The following LRGUK variants were observed in gnomAD, a reference collection of about 807,000 sequenced individuals.
The protein encoded by LRGUK is leucine-rich repeat and guanylate kinase domain-containing protein.
LRGUK carries 65 observed loss-of-function variants against 76.0 expected under a neutral mutation model. That is an observed-to-expected ratio of 0.85 (90% CI 0.70 to 1.05). The LOEUF is 1.05. Ranked by LOEUF, LRGUK falls within the 50% of genes least tolerant of loss-of-function variation. The pLI, the probability that LRGUK is intolerant of heterozygous loss-of-function variation, is 0.00. For missense variants in LRGUK, 758 were observed against 732.8 expected (o/e 1.03, Z -0.40); for synonymous variants, 268 against 265.6 (o/e 1.01, Z -0.09).
At chr7:134,258,263 G>C in exon 19 of LRGUK, 1 of 1,613,880 alleles carries the variant, frequency 6.2e-7, no homozygotes, top group Non-Finnish European at 8.5e-7. Context: ...TCAGTGGGAA[G>C]GATTCCTTGG....
chr7:134,171,706 A>T (rs1799258138), intron 7 of LRGUK, among the ~76,000 whole-genome samples: 1 of 152,138 alleles, frequency 6.6e-6, no homozygotes, highest in African/African-American at 2.4e-5. Flanking sequence ...TTGGCAGCAG[A>T]TGGCTGAACT....
rs57035440 is a variant in LRGUK, at chr7:134,226,218, A to ATGTGTGTGTGTGTG, written c.1983+4330_1983+4343dup. On this transcript the variant is annotated intron_variant, in intron 16 of 19. Transcript: ENST00000285928. ...GACAAGGTAGAAATTCCCATCTCCA[A>ATGTGTGTGTGTGTG]TGTGTGTGTGTGTGTGTGTGTGTGT... Among the ~76,000 whole-genome samples the ATGTGTGTGTGTGTG allele has an allele frequency of 3.6e-3, 504 of 141,770 alleles. 5 individuals are homozygous for ATGTGTGTGTGTGTG. Among genetic ancestry groups the ATGTGTGTGTGTGTG allele is most frequent in the African/African-American group, 0.013 (453 of 35,372 alleles). The allele number at this position is 141,770 out of a possible 152,430, so 93.0% of individuals were successfully genotyped here. A position where few individuals can be genotyped will look rare whatever the true frequency, so the allele number is the denominator to read the frequency against.
chr7:134,221,872 AC>A lies in LRGUK; in HGVS notation c.1939del (p.Leu647SerfsTer31). On this transcript the variant is annotated frameshift_variant, in exon 16 of 20. Coordinates refer to the LRGUK transcript ENST00000285928. LOFTEE classifies it high-confidence loss of function. ...TTCCTGCATTCTACAGACAGAAACT[AC>A]CTCATTAAATTTTGGGCCAAACTTT... The A allele has an allele frequency of 6.3e-7, 1 of 1,598,382 alleles. No individual in the cohort carries two copies. The highest frequency in any genetic ancestry group is 1.1e-5 in the South Asian group (1 of 88,294).
At chr7:134,213,135 G>A (rs981352728), downstream of LRGUK, among the ~76,000 whole-genome samples, 2 of 152,184 alleles carry the variant, frequency 1.3e-5, no homozygotes, top group African/African-American at 2.4e-5. Flanking sequence ...CTAAGGACCC[G>A]AATGCCAGGA....
intron 2 of LRGUK, among the ~76,000 whole-genome samples, chr7:134,137,739 T>G (rs1797595997): frequency 6.6e-6 from 1 of 152,198 alleles, no homozygotes. Context: ...CTTGCTTCTT[T>G]CCTCATTTTG....
the LRGUK span, among the ~76,000 whole-genome samples, chr7:134,272,215 A>G: frequency 6.6e-6 from 1 of 152,198 alleles, no homozygotes; most frequent in Non-Finnish European, 1.5e-5. Flanking sequence ...TTTACCATGA[A>G]TAAGTATTGA....
exon 16 of LRGUK, chr7:134,209,132 C>G (rs1801130183): frequency 5.0e-6 from 2 of 399,150 alleles, no homozygotes; most frequent in Non-Finnish European, 8.8e-6. Context: ...CCTGGTGCCT[C>G]CTGTGCACCC....
chr7:134,178,675 C>A, intron 10 of LRGUK, 66 bp downstream of exon 10: 1 of 1,227,806 alleles, frequency 8.1e-7, no homozygotes, highest in Non-Finnish European at 1.2e-6. Flanking sequence ...TCATCACTTC[C>A]CCTAACCCCT....
At chr7:134,259,910 C>A (rs1247676118) in intron 19 of LRGUK, among the ~76,000 whole-genome samples, 2 of 152,078 alleles carry the variant, frequency 1.3e-5, no homozygotes, top group Non-Finnish European at 2.9e-5. Context: ...GTTCATGGAC[C>A]GTCCCCATCT....
At chr7:134,212,857 C>A (rs1386902413), downstream of LRGUK, among the ~76,000 whole-genome samples, 1 of 152,036 alleles carries the variant, frequency 6.6e-6, no homozygotes, top group Non-Finnish European at 1.5e-5. Flanking sequence ...AGCTGAAGGC[C>A]CCACAGCGTG....
At chr7:134,220,088 G>A (rs1231255731) in intron 15 of LRGUK, among the ~76,000 whole-genome samples, 2 of 152,182 alleles carry the variant, frequency 1.3e-5, no homozygotes, top group African/African-American at 4.8e-5. Flanking sequence ...CAGTCGGCAC[G>A]TAGCAGGTGC....
chr7:134,214,960 A>G (rs1478458860), downstream of LRGUK, among the ~76,000 whole-genome samples: 1 of 152,102 alleles, frequency 6.6e-6, no homozygotes, highest in Non-Finnish European at 1.5e-5. Flanking sequence ...AATCTTATAG[A>G]AGGTCTTCAT....
intron 5 of LRGUK, among the ~76,000 whole-genome samples, chr7:134,150,155 G>T (rs1317593088): frequency 6.6e-6 from 1 of 151,988 alleles, no homozygotes; most frequent in Admixed American, 6.6e-5. Flanking sequence ...GGCACCTGTA[G>T]TCCCAGCTAC....
downstream of LRGUK, among the ~76,000 whole-genome samples, chr7:134,267,357 C>T (rs1284813667): frequency 6.6e-6 from 1 of 152,092 alleles, no homozygotes; most frequent in Non-Finnish European, 1.5e-5. Flanking sequence ...TAAGTGGGAG[C>T]TAAACAATGG....
At chr7:134,276,093 G>A in the LRGUK span, among the ~76,000 whole-genome samples, 1 of 152,150 alleles carries the variant, frequency 6.6e-6, no homozygotes. Context: ...TGACTTCAGA[G>A]ACTTACTTTC....
At chr7:134,159,532 T>C (rs1798631494) in intron 6 of LRGUK, among the ~76,000 whole-genome samples, 1 of 152,178 alleles carries the variant, frequency 6.6e-6, no homozygotes, top group Non-Finnish European at 1.5e-5. Context: ...GGCTTGCGCC[T>C]GTAATCCCAG....
chr7:134,174,596 C>T (rs1182455351), exon 8 of LRGUK: 14 of 1,608,540 alleles, frequency 8.7e-6, no homozygotes, highest in Non-Finnish European at 1.2e-5. Context: ...AAAAATTTAC[C>T]CATCCTTCGA....
chr7:134,170,797 C>T (rs1799209342), intron 7 of LRGUK, among the ~76,000 whole-genome samples: 1 of 152,140 alleles, frequency 6.6e-6, no homozygotes. Flanking sequence ...AACCAATTCC[C>T]ATTCATTAAC....
Position 134,194,228 on chromosome 7 carries a change from TA to T in LRGUK, c.1431+2478del, listed in dbSNP as rs1300409768. On this transcript the variant is annotated intron_variant, in intron 12 of 15. Coordinates refer to ENST00000645682, the Ensembl canonical transcript of LRGUK. ...CAAACTTGTAATGGGGTCTCTTTTA[TA>T]CCTATGTACTATGCAAGATTCCTCC... Among the ~76,000 whole-genome samples the T allele has an allele frequency of 4.6e-5, 7 of 152,320 alleles. No homozygotes were observed. The East Asian group carries it at 1.4e-3, about 29-fold the overall frequency.
Sources: gnomAD v4.1 joint callset for allele counts (sites outside exome capture counted in the v4.1 genomes callset) on GRCh38, gnomAD v4.1.1 for gene constraint, MANE v1.5 for transcripts, NCBI Gene and HGNC (gene_info 2026-07-23, HGNC 2026-07-21) for gene names.